RAB40C: variants seen among roughly 807,000 people sequenced by gnomAD.
RAB40C encodes RAB40C, member RAS oncogene family, also known as ras-related protein Rab-40C.
A neutral mutation model predicts 28.1 loss-of-function variants in RAB40C; 8 were observed. That is an observed-to-expected ratio of 0.28 (90% CI 0.17 to 0.51). The LOEUF (loss-of-function observed/expected upper bound fraction) is 0.51, where lower values mean the gene tolerates loss of function less well. Among genes scored for constraint, RAB40C ranks in the 20% least tolerant of loss-of-function variants. RAB40C has a pLI of 0.97. For missense variants in RAB40C, 288 were observed against 405.9 expected, an observed-to-expected ratio of 0.71 and a Z score of 2.50; for synonymous variants, 201 against 171.7, an observed-to-expected ratio of 1.17 and a Z score of -1.34.
At chr16:618,323 T>C (rs2036632238) in intron 3 of RAB40C, 63 bp downstream of exon 3, 11 of 1,469,550 alleles carry the variant, frequency 7.5e-6, no homozygotes, top group Non-Finnish European at 9.3e-6. Flanking sequence ...TCTTTCTGAA[T>C]GTGAGTTGTT....
chr16:616,162 T>C (rs1387298424), intron 1 of RAB40C, among the ~76,000 whole-genome samples: 4 of 149,294 alleles, frequency 2.7e-5, no homozygotes, highest in Non-Finnish European at 5.9e-5. Flanking sequence ...AGGCTGAGGC[T>C]AGATAATGGC....
Position 605,841 on chromosome 16 carries a change from T to C in RAB40C, c.143-11367T>C, listed in dbSNP as rs1036184564. Among the ~76,000 whole-genome samples the C allele has an allele frequency of 2.1e-4, 32 of 152,274 alleles. 1 individual carries two copies. The highest frequency in any genetic ancestry group is 3.4e-3 in the Middle Eastern group (1 of 294). ...AGCTGGGCTGTAGGGCCTGTGTAGA[T>C]GCTGCCAACCCGTTCTCCAAAGCAG... On this transcript the variant is annotated intron_variant, in intron 1 of 5. Coordinates refer to ENST00000248139, the MANE Select transcript of RAB40C (RefSeq NM_021168.5).
chr16:608,941 C>T (rs886320912), intron 1 of RAB40C, among the ~76,000 whole-genome samples: 3 of 151,968 alleles, frequency 2.0e-5, no homozygotes, highest in African/African-American at 7.3e-5. Context: ...ACAGCGAGAC[C>T]CCTGACTGTA....
intron 1 of RAB40C, among the ~76,000 whole-genome samples, chr16:591,280 G>A (rs1235867698): frequency 6.6e-6 from 1 of 151,036 alleles, no homozygotes; most frequent in African/African-American, 2.4e-5. Flanking sequence ...ATAGATCTGG[G>A]GGAAGGCATC....
intron 2 of RAB40C, among the ~76,000 whole-genome samples, chr16:617,973 C>T (rs1025581094): frequency 2.6e-5 from 4 of 152,272 alleles, no homozygotes; most frequent in African/African-American, 4.8e-5. Context: ...GGAGCTTGCT[C>T]ACTCCCCAGG....
intron 4 of RAB40C, 56 bp downstream of exon 4, chr16:625,565 G>A: frequency 6.4e-7 from 1 of 1,558,016 alleles, no homozygotes; most frequent in Non-Finnish European, 8.8e-7. Flanking sequence ...GGAGGTACCT[G>A]GGCCCCGGGT....
At chr16:590,704 C>G (rs776850000) in intron 1 of RAB40C, among the ~76,000 whole-genome samples, 12 of 152,070 alleles carry the variant, frequency 7.9e-5, no homozygotes, top group Non-Finnish European at 1.5e-4. Flanking sequence ...GTCACGGGTC[C>G]GGGATCTCAG....
chr16:596,434 C>T (rs1439328759), intron 1 of RAB40C: 1 of 429,688 alleles, frequency 2.3e-6, no homozygotes, highest in Non-Finnish European at 4.7e-6. Flanking sequence ...TGAGTCCTCC[C>T]CTGCGCAGCA....
At chr16:593,727 C>T (rs1286932396) in intron 1 of RAB40C, among the ~76,000 whole-genome samples, 1 of 152,228 alleles carries the variant, frequency 6.6e-6, no homozygotes, top group Non-Finnish European at 1.5e-5. Flanking sequence ...TGTGGGAGCC[C>T]CTGTGAGCTC....
chr16:623,890 C>A, intron 3 of RAB40C: 1 of 915,906 alleles, frequency 1.1e-6, no homozygotes, highest in Non-Finnish European at 1.3e-6. Context: ...CATGATCGTG[C>A]CACTGCATGA....
chr16:623,922 T>C (rs2036773499), intron 3 of RAB40C: 1 of 981,268 alleles, frequency 1.0e-6, no homozygotes, highest in Non-Finnish European at 1.2e-6. Context: ...GCTGACAGAG[T>C]GAGACCCTGT....
Position 590,524 on chromosome 16 carries a change from C to A in RAB40C, c.142+91C>A, listed in dbSNP as rs114220093. 1,827 of 1,353,554 alleles carry A rather than the reference C, an allele frequency of 1.3e-3. 31 individuals are homozygous for A. In the African/African-American group the frequency reaches 0.026, roughly 20 times the overall value. The allele number at this position is 1,353,554 out of a possible 1,614,324, so 83.8% of individuals were successfully genotyped here. A position where few individuals can be genotyped will look rare whatever the true frequency, so the allele number is the denominator to read the frequency against. On this transcript the variant is annotated intron_variant, in intron 1 of 5. Coordinates refer to ENST00000248139, the MANE Select transcript of RAB40C (RefSeq NM_021168.5). ...TCGCCCTCGGCCCGGCCCTTCCAAG[C>A]GCCGCCGAACGTTCCCAGGAACGCC...
chr16:604,495 C>A (rs1038736308), intron 1 of RAB40C, among the ~76,000 whole-genome samples: 2 of 116,680 alleles, frequency 1.7e-5, no homozygotes, highest in Admixed American at 1.6e-4. Context: ...GTGAGTCCTT[C>A]TGAGGGTGTT....
chr16:593,064 G>A (rs55645201), intron 1 of RAB40C, among the ~76,000 whole-genome samples: 26,009 of 152,230 alleles, frequency 0.17, 2,435 homozygotes, highest in South Asian at 0.26. Flanking sequence ...CCAGGTCCCC[G>A]CAGGAGTCCT....
rs1324965879 is a variant in RAB40C at position 610,152 on chromosome 16, A to T, written c.143-7056A>T. Among the ~76,000 whole-genome samples the T allele has an allele frequency of 1.3e-5, 2 of 152,132 alleles. No individual in the cohort carries two copies. Among genetic ancestry groups the T allele is most frequent in the East Asian group, 3.9e-4 (2 of 5,192 alleles). ...AAGCGGCACCCTGTGCGGTAGACAG[A>T]ACCAGCAGCCGAGGCGCCGGTGGCT... On this transcript the variant is annotated intron_variant, in intron 1 of 5. Transcript: ENST00000248139. This position sits in a 1 kb window ranked among gnomAD's most constrained non-coding sequence, Gnocchi z 4.6.
At chr16:614,240 T>G (rs535083486) in intron 1 of RAB40C, among the ~76,000 whole-genome samples, 2 of 134,980 alleles carry the variant, frequency 1.5e-5, no homozygotes, top group South Asian at 2.5e-4. Flanking sequence ...GTGAACTGCC[T>G]AACTCTACCT....
intron 1 of RAB40C, among the ~76,000 whole-genome samples, chr16:595,665 C>T (rs1319018043): frequency 3.3e-5 from 5 of 150,432 alleles, no homozygotes; most frequent in Admixed American, 1.3e-4. Flanking sequence ...TGCAGTGGCA[C>T]GGTCTCGGCT....
At position 627,415 on chromosome 16, in the gene RAB40C, A is replaced by G. The variant is rs1374649817; in HGVS notation, c.639A>G (p.Pro213=). ...CCGTGCACCTCATCGACAAGCTTCCACTGCCCGTCACCATCAAGAGCCACC... is the reference window on the plus strand; with the variant it reads ...CCGTGCACCTCATCGACAAGCTTCCGCTGCCCGTCACCATCAAGAGCCACC... ...CTPVHLIDKL[P]LPVTIKSHLK... Residue 213 remains proline (P), a synonymous_variant, in exon 6 of 6, where the codon CCA becomes CCG. Coordinates refer to ENST00000248139, the MANE Select transcript of RAB40C (RefSeq NM_021168.5). The G allele has an allele frequency of 1.9e-6, 3 of 1,613,536 alleles. 1 individual carries two copies. Among genetic ancestry groups the G allele is most frequent in the South Asian group, 2.2e-5 (2 of 91,070 alleles).
At chr16:613,948 G>A (rs943346423) in intron 1 of RAB40C, among the ~76,000 whole-genome samples, 4 of 152,308 alleles carry the variant, frequency 2.6e-5, no homozygotes, top group East Asian at 1.9e-4. Context: ...CACGCAGCTC[G>A]GGAAGCACAC....
Sources: allele counts gnomAD v4.1 joint callset (sites outside exome capture counted in the v4.1 genomes callset), GRCh38; gene constraint gnomAD v4.1.1; non-coding constraint Gnocchi (gnomAD v3.1); transcripts MANE v1.5; gene names NCBI Gene and HGNC (gene_info 2026-07-23, HGNC 2026-07-21).